The following NSD1 variants were observed in gnomAD, a reference collection of about 807,000 sequenced individuals.
NSD1 encodes histone-lysine N-methyltransferase, H3 lysine-36 specific.
Under a neutral mutation model 242.7 loss-of-function variants are expected in NSD1, and 26 were observed. The observed-to-expected ratio is 0.11, with a 90% CI of 0.08 to 0.15. The LOEUF (loss-of-function observed/expected upper bound fraction) is 0.15, where lower values mean the gene tolerates loss of function less well. Ranked by LOEUF, NSD1 falls within the 10% of genes least tolerant of loss-of-function variation. The pLI is 1.00. For missense variants in NSD1, 2,495 were observed against 3,272.8 expected (o/e 0.76, Z 5.80); for synonymous variants, 1,106 against 1,178.1 (o/e 0.94, Z 1.25).
At chr5:177,235,981 C>G in intron 6 of NSD1, 36 bp downstream of exon 6, 2 of 1,610,810 alleles carry the variant, frequency 1.2e-6, no homozygotes, top group Non-Finnish European at 1.7e-6. Flanking sequence ...TTCACTGGTC[C>G]TTAGGAAACT....
At chr5:177,156,008 A>G (rs936945723) in intron 2 of NSD1, among the ~76,000 whole-genome samples, 1 of 151,582 alleles carries the variant, frequency 6.6e-6, no homozygotes, top group Non-Finnish European at 1.5e-5. Flanking sequence ...TCTGGCCTGC[A>G]TGGGGATTCT....
chr5:177,223,616 G>T (rs962071931), intron 5 of NSD1, among the ~76,000 whole-genome samples: 2 of 152,052 alleles, frequency 1.3e-5, no homozygotes, highest in African/African-American at 2.4e-5. Context: ...AGCCTGAAAA[G>T]AATATTCTTT....
intron 22 of NSD1, 82 bp from the exon 23 acceptor site, chr5:177,293,750 C>G: frequency 6.7e-7 from 1 of 1,497,354 alleles, no homozygotes; most frequent in Non-Finnish European, 9.3e-7. Context: ...ATCATCCACA[C>G]CTTCGGACTG....
At chr5:177,278,046 T>G (rs1333819711) in intron 17 of NSD1, among the ~76,000 whole-genome samples, 1 of 152,234 alleles carries the variant, frequency 6.6e-6, no homozygotes, top group Non-Finnish European at 1.5e-5. Flanking sequence ...GTAAGCCTTA[T>G]GCCTTATGGC....
intron 5 of NSD1, among the ~76,000 whole-genome samples, chr5:177,227,924 G>C (rs1301237007): frequency 6.8e-6 from 1 of 148,044 alleles, no homozygotes; most frequent in African/African-American, 2.5e-5. Context: ...CTCTACCCTG[G>C]ACCACAAGAG....
In NSD1 at chr5:177,135,236, G is replaced by A; in HGVS notation, c.133G>A (p.Gly45Arg). 6.2e-7 allele frequency: 1 copy of A among 1,613,718 alleles called. No individual in the cohort carries two copies. Among genetic ancestry groups the A allele is most frequent in the Non-Finnish European group, 8.5e-7 (1 of 1,179,640 alleles). The change falls in exon 2 of 23, where the codon GGG becomes AGG. Residue 45 changes from glycine (G) to arginine (R), a missense_variant. Around this residue, in one of 19 missense-constraint regions of NSD1, gnomAD observed 376 missense variants for 367.4 expected, o/e 1.02. Coordinates refer to ENST00000439151, the MANE Select transcript of NSD1 (RefSeq NM_022455.5). ...GQSNFSEPLN[G>R]CTMQLSTVSG... ...ATCCAATTTTTCTGAGCCACTTAAT[G>A]GGTGTACTATGCAGTTATCGACTGT...
Position 177,135,910 on chromosome 5 carries a change from G to T in NSD1, c.807G>T (p.Glu269Asp). The T allele has an allele frequency of 6.2e-7, 1 of 1,612,252 alleles. No individual in the cohort carries two copies. Among genetic ancestry groups the T allele is most frequent in the Non-Finnish European group, 8.5e-7 (1 of 1,178,516 alleles). Reference sequence around the variant, plus strand: ...GAGACACAAACATTACAATAGAAGAGCAATTAAACTCAATAAATTTATCTT... The same window carrying T: ...GAGACACAAACATTACAATAGAAGATCAATTAAACTCAATAAATTTATCTT... ...SLGDTNITIEEQLNSINLSFQ... is the reference protein window; with the variant it reads ...SLGDTNITIEDQLNSINLSFQ... Residue 269 changes from glutamate to aspartate, a missense_variant, in exon 2 of 23, where the codon GAG (glutamate) becomes GAT (aspartate). Around this residue, in one of 19 missense-constraint regions of NSD1, gnomAD observed 376 missense variants for 367.4 expected, o/e 1.02. Transcript: ENST00000439151.
intron 20 of NSD1, among the ~76,000 whole-genome samples, chr5:177,287,942 T>C (rs28563911): frequency 0.86 from 131,515 of 152,278 alleles, 57,317 homozygotes; most frequent in African/African-American, 0.92. Flanking sequence ...TGATAAAAGG[T>C]ATGTCAGTCT....
In NSD1 at chr5:177,181,432, T is replaced by TG. The variant is rs1254708346; in HGVS notation, c.928-10452_928-10451insG. ...TCATTATGGGTTTTTTTTTGGTTTTTTTTTTTTTTTTTTGGCAGGTTCTCA... is the reference window on the plus strand; with the variant it reads ...TCATTATGGGTTTTTTTTTGGTTTTTGTTTTTTTTTTTTTGGCAGGTTCTCA... On this transcript the variant is annotated intron_variant, in intron 2 of 22. Transcript: ENST00000439151. Among the ~76,000 whole-genome samples, 4 of 144,496 alleles carry TG rather than the reference T, an allele frequency of 2.8e-5. No individual in the cohort carries two copies. In the South Asian group the frequency reaches 6.8e-4, roughly 25 times the overall value. 94.8% of individuals were successfully genotyped at this position (144,496 alleles called of 152,430 possible).
Position 177,251,753 on chromosome 5 carries a change from G to T in NSD1, c.4665G>T (p.Leu1555=). ...VCQNCEKLGE[L]LLCEAQCCGA... ...AGAATTGTGAAAAATTGGGTGAGCTGCTGTTATGTGAGGCTCAGTGCTGTG... is the reference window on the plus strand; with the variant it reads ...AGAATTGTGAAAAATTGGGTGAGCTTCTGTTATGTGAGGCTCAGTGCTGTG... Residue 1555 remains leucine (L), a synonymous_variant, in exon 12 of 23, where the codon CTG becomes CTT. Transcript: ENST00000439151. The T allele has an allele frequency of 6.2e-7, 1 of 1,614,160 alleles. No homozygotes were observed. Among genetic ancestry groups the T allele is most frequent in the Non-Finnish European group, 8.5e-7 (1 of 1,179,998 alleles).
chr5:177,212,286 AGT>A, intron 5 of NSD1, 91 bp downstream of exon 5: 1 of 1,300,884 alleles, frequency 7.7e-7, no homozygotes, highest in Admixed American at 2.0e-5. Context: ...GTAATGGTAA[AGT>A]GAAGTATAAA....
intron 14 of NSD1, among the ~76,000 whole-genome samples, chr5:177,262,777 G>A (rs1271529485): frequency 6.6e-6 from 1 of 152,258 alleles, no homozygotes; most frequent in Non-Finnish European, 1.5e-5. Context: ...TACTTGGGAA[G>A]CTGAGGCAGG....
chr5:177,263,849 C>T (rs996601319), intron 14 of NSD1, among the ~76,000 whole-genome samples: 4 of 151,794 alleles, frequency 2.6e-5, no homozygotes, highest in Non-Finnish European at 5.9e-5. Context: ...AAAATAATGG[C>T]GAATGATAAA....
At chr5:177,227,912 T>A (rs1764756363) in intron 5 of NSD1, among the ~76,000 whole-genome samples, 1 of 151,000 alleles carries the variant, frequency 6.6e-6, no homozygotes, top group Non-Finnish European at 1.5e-5. Context: ...TGTGCCATTG[T>A]ACTCTACCCT....
intron 2 of NSD1, among the ~76,000 whole-genome samples, chr5:177,179,832 G>A (rs1760510990): frequency 6.6e-6 from 1 of 152,162 alleles, no homozygotes; most frequent in African/African-American, 2.4e-5. Context: ...GGGGAAGGGG[G>A]CCAATCAGGT....
At chr5:177,239,954 A>C in intron 8 of NSD1, 89 bp downstream of exon 8, 1 of 751,368 alleles carries the variant, frequency 1.3e-6, no homozygotes, top group South Asian at 1.5e-5. Context: ...TATAACATTG[A>C]TGTACATACA....
chr5:177,156,113 C>T (rs985087690), intron 2 of NSD1, among the ~76,000 whole-genome samples: 3 of 149,248 alleles, frequency 2.0e-5, no homozygotes, highest in South Asian at 2.1e-4. Context: ...CCTAGGTATT[C>T]TAGGGCATTT....
intron 18 of NSD1, among the ~76,000 whole-genome samples, chr5:177,281,639 G>C (rs1324258801): frequency 6.6e-6 from 1 of 152,000 alleles, no homozygotes; most frequent in African/African-American, 2.4e-5. Context: ...GTTTGTCTCT[G>C]ATGATATTAT....
At chr5:177,168,955 G>C (rs540130365) in intron 2 of NSD1, among the ~76,000 whole-genome samples, 4 of 152,310 alleles carry the variant, frequency 2.6e-5, no homozygotes, top group East Asian at 1.9e-4. Context: ...AGCCTAATTT[G>C]TTCAACTTTT....
Sources: gnomAD v4.1 joint callset for allele counts (sites outside exome capture counted in the v4.1 genomes callset) on GRCh38, gnomAD v4.1.1 for gene constraint, gnomAD v4.1.1 regional missense constraint, MANE v1.5 for transcripts, NCBI Gene and HGNC (gene_info 2026-07-23, HGNC 2026-07-21) for gene names.